CTNND2: variants seen among roughly 807,000 people sequenced by gnomAD.
CTNND2 encodes catenin delta 2.
A neutral mutation model predicts 144.4 loss-of-function variants in CTNND2; 22 were observed. The ratio of observed to expected loss-of-function variants is 0.15; its 90% CI spans 0.11 to 0.22. CTNND2 has a LOEUF of 0.22. Among genes scored for constraint, CTNND2 ranks in the 10% least tolerant of loss-of-function variants. The pLI, the probability that CTNND2 is intolerant of heterozygous loss-of-function variation, is 1.00. For missense variants in CTNND2, 1,353 were observed against 1,618.8 expected, an observed-to-expected ratio of 0.84 and a Z score of 2.82; for synonymous variants, 751 against 695.6, an observed-to-expected ratio of 1.08 and a Z score of -1.25.
chr5:11,179,832 A>C (rs1476383499), intron 11 of CTNND2, among the ~76,000 whole-genome samples: 3 of 152,198 alleles, frequency 2.0e-5, no homozygotes, highest in African/African-American at 4.8e-5. Context: ...GTAAACATGG[A>C]AGAACTTTTG....
intron 1 of CTNND2, among the ~76,000 whole-genome samples, chr5:11,814,243 A>C (rs2126916255): frequency 6.6e-6 from 1 of 152,346 alleles, no homozygotes; most frequent in East Asian, 1.9e-4. Flanking sequence ...CTGTATTTTG[A>C]AATGGAATGT....
intron 3 of CTNND2, among the ~76,000 whole-genome samples, chr5:11,428,545 T>C (rs2149868766): frequency 6.6e-6 from 1 of 152,338 alleles, no homozygotes; most frequent in South Asian, 2.1e-4. Context: ...TTTGTCTTTC[T>C]GGACTGGGAG....
intron 1 of CTNND2, among the ~76,000 whole-genome samples, chr5:11,766,259 TG>T (rs1789582237): frequency 6.6e-6 from 1 of 152,158 alleles, no homozygotes; most frequent in South Asian, 2.1e-4. Flanking sequence ...CAAGTTACAA[TG>T]GTATTAGTGT....
At chr5:11,747,040 A>C (rs1235370608) in intron 1 of CTNND2, among the ~76,000 whole-genome samples, 1 of 152,202 alleles carries the variant, frequency 6.6e-6, no homozygotes, top group Non-Finnish European at 1.5e-5. Flanking sequence ...ACCTATGTCT[A>C]CATTTATAAT....
intron 3 of CTNND2, among the ~76,000 whole-genome samples, chr5:11,463,123 T>C (rs1328687899): frequency 6.6e-6 from 1 of 152,246 alleles, no homozygotes; most frequent in Non-Finnish European, 1.5e-5. Flanking sequence ...TGTAATTATA[T>C]TGCTTCTGGC....
chr5:11,205,358 G>T (rs1737933738), intron 10 of CTNND2, among the ~76,000 whole-genome samples: 1 of 152,122 alleles, frequency 6.6e-6, no homozygotes, highest in Non-Finnish European at 1.5e-5. Context: ...GAAGATAAGG[G>T]AATGCGGTGA....
chr5:11,879,340 T>TATAC (rs1560959289), intron 1 of CTNND2, among the ~76,000 whole-genome samples: 1 of 14,962 alleles, frequency 6.7e-5, no homozygotes, highest in Non-Finnish European at 1.3e-4. Flanking sequence ...ATTAAATGTG[T>TATAC]GTATATATAT....
At chr5:11,841,144 G>A (rs1246418871) in intron 1 of CTNND2, among the ~76,000 whole-genome samples, 5 of 151,750 alleles carry the variant, frequency 3.3e-5, no homozygotes, top group Admixed American at 1.3e-4. Context: ...AATAAACAAC[G>A]ATGAACAAAA....
In CTNND2 at chr5:11,367,955, G is replaced by A. The variant is rs992168999; in HGVS notation, c.1178-3065C>T. Among the ~76,000 whole-genome samples, 4 of 152,082 alleles carry A rather than the reference G, an allele frequency of 2.6e-5. No individual in the cohort carries two copies. The East Asian group carries it at 5.8e-4, about 22-fold the overall frequency. On this transcript the variant is annotated intron_variant, in intron 7 of 21. Transcript: ENST00000304623. The stretch of plus-strand genomic sequence containing the variant: ...AATTCCTACATCATCCAGCATTAAC[G>A]TCTCAATTTTATAATAGGGTTTTGC...
intron 1 of CTNND2, among the ~76,000 whole-genome samples, chr5:11,859,814 A>T (rs1795420924): frequency 6.6e-6 from 1 of 152,162 alleles, no homozygotes; most frequent in South Asian, 2.1e-4. Flanking sequence ...CAGAGTCCCC[A>T]TAAAACTCTG....
intron 1 of CTNND2, among the ~76,000 whole-genome samples, chr5:11,832,158 C>T (rs1484493306): frequency 6.6e-6 from 1 of 152,054 alleles, no homozygotes; most frequent in East Asian, 1.9e-4. Context: ...GTGGCGGGCG[C>T]CTGTAGTCCC....
intron 10 of CTNND2, among the ~76,000 whole-genome samples, chr5:11,208,890 C>T (rs1738327782): frequency 6.6e-6 from 1 of 152,088 alleles, no homozygotes; most frequent in South Asian, 2.1e-4. Context: ...CTAAATTCTT[C>T]CTTGAATTTA....
Position 10,981,586 on chromosome 5 carries a change from A to AAC in CTNND2, c.3417+185_3417+186dup, listed in dbSNP as rs112742699. ...CATTTGAGGCTGTTCTGCCGAGTCC[A>AAC]ACACACACACACACACACACAGAGA... On this transcript the variant is annotated intron_variant, in intron 21 of 21. Coordinates refer to ENST00000304623, the MANE Select transcript of CTNND2 (RefSeq NM_001332.4). 0.15 allele frequency among the ~76,000 whole-genome samples: 21,847 copies of AAC among 150,400 alleles called. 1,594 individuals carry two copies. The highest frequency in any genetic ancestry group is 0.18 in the African/African-American group (7,437 of 41,088).
chr5:11,248,926 A>G (rs1480316504), intron 9 of CTNND2, among the ~76,000 whole-genome samples: 3 of 152,202 alleles, frequency 2.0e-5, no homozygotes, highest in Non-Finnish European at 4.4e-5. Flanking sequence ...AAGAATGCCA[A>G]CTTAATTTAT....
intron 3 of CTNND2, among the ~76,000 whole-genome samples, chr5:11,528,171 C>A (rs1773433550): frequency 6.6e-6 from 1 of 152,188 alleles, no homozygotes; most frequent in Non-Finnish European, 1.5e-5. Context: ...CATATTGTTA[C>A]TACTGCAGTT....
chr5:11,338,971 G>GCT (rs1389300018), intron 9 of CTNND2, among the ~76,000 whole-genome samples: 4 of 190 alleles, frequency 0.021, 2 homozygotes, highest in Non-Finnish European at 0.028. Context: ...ACGGAGTCTC[G>GCT]CTGTCGCCCA....
chr5:11,301,494 C>A (rs748709262), intron 9 of CTNND2, among the ~76,000 whole-genome samples: 1 of 152,100 alleles, frequency 6.6e-6, no homozygotes, highest in Non-Finnish European at 1.5e-5. Context: ...AGACTTAAGA[C>A]GAACAACCAC....
At chr5:11,297,158 C>T (rs1285239854) in intron 9 of CTNND2, among the ~76,000 whole-genome samples, 3 of 152,150 alleles carry the variant, frequency 2.0e-5, no homozygotes, top group African/African-American at 7.2e-5. Flanking sequence ...GACAAATTTA[C>T]AACATTCAAG....
At chr5:11,248,603 T>C (rs929645310) in intron 9 of CTNND2, among the ~76,000 whole-genome samples, 3 of 152,162 alleles carry the variant, frequency 2.0e-5, no homozygotes, top group African/African-American at 7.2e-5. Flanking sequence ...CACTTGACAA[T>C]TGTCCCTGAG....
Sources: gnomAD v4.1 joint callset for allele counts (sites outside exome capture counted in the v4.1 genomes callset) on GRCh38, gnomAD v4.1.1 for gene constraint, MANE v1.5 for transcripts, NCBI Gene and HGNC (gene_info 2026-07-23, HGNC 2026-07-21) for gene names.